Variants in NBEA observed in about 807,000 individuals in gnomAD.
The protein encoded by NBEA is lysosomal-trafficking regulator 2.
NBEA carries 44 observed loss-of-function variants against 343.4 expected under a neutral mutation model. The observed-to-expected ratio is 0.13, with a 90% CI of 0.10 to 0.16. The LOEUF (loss-of-function observed/expected upper bound fraction) is 0.16. Ranked by LOEUF, NBEA falls within the 10% of genes least tolerant of loss-of-function variation. The pLI, the probability that NBEA is intolerant of heterozygous loss-of-function variation, is 1.00. For synonymous variants in NBEA, 1,175 were observed against 1,238.7 expected (o/e 0.95, Z 1.08); for missense variants, 2,555 against 3,631.3 (o/e 0.70, Z 7.62).
At chr13:35,612,324 G>A (rs1366113396) in intron 48 of NBEA, among the ~76,000 whole-genome samples, 1 of 151,896 alleles carries the variant, frequency 6.6e-6, no homozygotes. Context: ...AGTAGAGATG[G>A]GGTTTCACCG....
intron 44 of NBEA, among the ~76,000 whole-genome samples, chr13:35,564,247 T>A (rs1364934000): frequency 6.6e-6 from 1 of 152,076 alleles, no homozygotes; most frequent in Non-Finnish European, 1.5e-5. Flanking sequence ...ATTGTGGTTA[T>A]CTGATTTTCA....
intron 17 of NBEA, 105 bp downstream of exon 17, chr13:35,123,679 C>A: frequency 1.8e-6 from 1 of 560,444 alleles, no homozygotes; most frequent in Non-Finnish European, 2.8e-6. Flanking sequence ...AAAAATCTAA[C>A]AGCGGAAAAT....
At chr13:35,493,449 G>A (rs767561693) in intron 41 of NBEA, among the ~76,000 whole-genome samples, 1 of 151,896 alleles carries the variant, frequency 6.6e-6, no homozygotes, top group Non-Finnish European at 1.5e-5. Context: ...TTTTTTAGGT[G>A]TCTGCCCAAG....
At chr13:35,043,018 A>T (rs1357594149) in intron 2 of NBEA, among the ~76,000 whole-genome samples, 4 of 151,616 alleles carry the variant, frequency 2.6e-5, no homozygotes, top group South Asian at 2.1e-4. Context: ...TTTTTCTTTT[A>T]AAAAAAATCA....
intron 41 of NBEA, among the ~76,000 whole-genome samples, chr13:35,510,353 T>G (rs1358110455): frequency 3.3e-5 from 5 of 152,218 alleles, no homozygotes; most frequent in Admixed American, 3.3e-4. Context: ...AGTTTTGCAT[T>G]TTTGTAGCAT....
At chr13:35,427,956 G>A (rs1047020257) in intron 38 of NBEA, among the ~76,000 whole-genome samples, 3 of 152,160 alleles carry the variant, frequency 2.0e-5, no homozygotes, top group South Asian at 4.1e-4. Context: ...TAATCTCCTC[G>A]TGTGCCGTTT....
chr13:35,076,619 A>T (rs959608636), intron 10 of NBEA, among the ~76,000 whole-genome samples: 19 of 151,636 alleles, frequency 1.3e-4, no homozygotes, highest in African/African-American at 4.6e-4. Flanking sequence ...TTTATCTTTG[A>T]CCCTTCACTC....
chr13:35,018,688 G>T (rs2039151362), intron 1 of NBEA, among the ~76,000 whole-genome samples: 1 of 152,006 alleles, frequency 6.6e-6, no homozygotes, highest in African/African-American at 2.4e-5. Context: ...TGTGAACAGA[G>T]ATAGTTTTAC....
intron 1 of NBEA, among the ~76,000 whole-genome samples, chr13:34,948,962 T>C (rs1385051776): frequency 6.6e-6 from 1 of 152,124 alleles, no homozygotes; most frequent in Non-Finnish European, 1.5e-5. Context: ...AGAATTAGAA[T>C]ATTAAAGCTT....
At position 35,625,881 on chromosome 13, in the gene NBEA, A is replaced by T. The variant is rs548607133; in HGVS notation, c.7450-2200A>T. Among the ~76,000 whole-genome samples, 7 of 152,320 alleles carry T rather than the reference A, an allele frequency of 4.6e-5. No homozygotes were observed. The East Asian group carries it at 1.4e-3, about 29-fold the overall frequency. ...ATACTAACAGTTGATGGAGATAAGG[A>T]CGTATAGAAACTGTCATGCATTGCT... On this transcript the variant is annotated intron_variant, in intron 48 of 58. Transcript: ENST00000379939.
At chr13:35,322,633 T>A (rs995080566) in intron 36 of NBEA, among the ~76,000 whole-genome samples, 3 of 152,194 alleles carry the variant, frequency 2.0e-5, no homozygotes, top group African/African-American at 7.2e-5. Context: ...ATACATCTAA[T>A]TAGTTAATAA....
At chr13:35,580,679 A>C (rs73171585) in intron 45 of NBEA, among the ~76,000 whole-genome samples, 4,859 of 152,306 alleles carry the variant, frequency 0.032, 103 homozygotes, top group South Asian at 0.1. Context: ...TGTTAGAAGC[A>C]AAATGATAGA....
chr13:35,579,408 C>T (rs1464136419), intron 45 of NBEA, among the ~76,000 whole-genome samples: 1 of 151,906 alleles, frequency 6.6e-6, no homozygotes, highest in East Asian at 1.9e-4. Flanking sequence ...TTTTTACTTA[C>T]TAAATTTATA....
intron 55 of NBEA, among the ~76,000 whole-genome samples, chr13:35,658,641 T>G (rs2153083686): frequency 6.6e-6 from 1 of 152,302 alleles, no homozygotes; most frequent in Admixed American, 6.5e-5. Flanking sequence ...TCATGAATTG[T>G]TATCCGATAA....
At chr13:35,247,103 C>G (rs1490108350) in intron 34 of NBEA, among the ~76,000 whole-genome samples, 2 of 152,146 alleles carry the variant, frequency 1.3e-5, no homozygotes, top group Non-Finnish European at 2.9e-5. Flanking sequence ...CCAGTTCCCA[C>G]TCAACCCAGA....
chr13:34,970,018 G>T (rs865852268), intron 1 of NBEA, among the ~76,000 whole-genome samples: 1 of 152,128 alleles, frequency 6.6e-6, no homozygotes, highest in East Asian at 1.9e-4. Context: ...CACCAACAGT[G>T]TATAAGCATT....
intron 41 of NBEA, among the ~76,000 whole-genome samples, chr13:35,510,463 G>T (rs1267129320): frequency 1.3e-5 from 2 of 152,132 alleles, no homozygotes; most frequent in African/African-American, 4.8e-5. Flanking sequence ...AAAGTAATCT[G>T]CCTTGTGTTG....
intron 1 of NBEA, among the ~76,000 whole-genome samples, chr13:34,962,981 C>T (rs1351654735): frequency 6.6e-6 from 1 of 152,008 alleles, no homozygotes; most frequent in Non-Finnish European, 1.5e-5. Flanking sequence ...TTTAGTTTTT[C>T]AGATGTGGAA....
At chr13:35,074,987 G>T (rs911074834) in intron 10 of NBEA, among the ~76,000 whole-genome samples, 1 of 151,996 alleles carries the variant, frequency 6.6e-6, no homozygotes, top group African/African-American at 2.4e-5. Context: ...CCTTTTCCCT[G>T]ATAGCCACTG....
Sources: gnomAD v4.1 joint callset for allele counts (sites outside exome capture counted in the v4.1 genomes callset) on GRCh38, gnomAD v4.1.1 for gene constraint, MANE v1.5 for transcripts, NCBI Gene and HGNC (gene_info 2026-07-23, HGNC 2026-07-21) for gene names.